Variants in LANCL3 observed in about 807,000 individuals in gnomAD.
LANCL3 encodes lanC-like protein 3.
In LANCL3, 19 loss-of-function variants were observed where a neutral mutation model predicts 26.5. The ratio of observed to expected loss-of-function variants is 0.72; its 90% CI spans 0.50 to 1.05. The LOEUF (loss-of-function observed/expected upper bound fraction) is 1.05, where lower values mean the gene tolerates loss of function less well. LANCL3 is among the 50% of genes least tolerant of loss of function. The pLI, the probability that LANCL3 is intolerant of heterozygous loss-of-function variation, is 0.00. For synonymous variants in LANCL3, 160 were observed against 166.6 expected (o/e 0.96, Z 0.30); for missense variants, 318 against 362.7 (o/e 0.88, Z 1.00).
chrX:37,587,373 G>A (rs5963163), intron 1 of LANCL3, among the ~76,000 whole-genome samples: 17,329 of 112,173 alleles, frequency 0.15, 1,703 homozygotes, highest in African/African-American at 0.37. Context: ...CCTTTTGTTC[G>A]GCTATGCCCT....
intron 3 of LANCL3, among the ~76,000 whole-genome samples, chrX:37,663,693 G>A (rs890705615): frequency 8.1e-5 from 9 of 111,381 alleles, no homozygotes; most frequent in African/African-American, 2.9e-4. Context: ...CCTGGGGACA[G>A]GAGGCTAAAG....
intron 1 of LANCL3, among the ~76,000 whole-genome samples, chrX:37,580,548 G>A (rs1460298199): frequency 9.0e-6 from 1 of 111,265 alleles, no homozygotes; most frequent in Non-Finnish European, 1.9e-5. Flanking sequence ...ATTTCTTTGT[G>A]GTGAGAACAT....
intron 1 of LANCL3, among the ~76,000 whole-genome samples, chrX:37,588,476 A>G (rs1265098070): frequency 2.7e-5 from 3 of 111,789 alleles, no homozygotes; most frequent in Non-Finnish European, 5.6e-5. Context: ...ATGTGTATAT[A>G]AGATACACAT....
At chrX:37,611,111 A>G (rs1285663114) in intron 1 of LANCL3, among the ~76,000 whole-genome samples, 1 of 112,159 alleles carries the variant, frequency 8.9e-6, no homozygotes, top group Non-Finnish European at 1.9e-5. Flanking sequence ...AAAGTAGAGT[A>G]TTTATACACA....
At chrX:37,638,885 T>A (rs1353564162) in intron 1 of LANCL3, among the ~76,000 whole-genome samples, 3 of 111,072 alleles carry the variant, frequency 2.7e-5, no homozygotes, top group Non-Finnish European at 3.8e-5. Context: ...AGAGATGGAA[T>A]CATACAGCAA....
chrX:37,615,190 G>A (rs1171275957), intron 1 of LANCL3, among the ~76,000 whole-genome samples: 6 of 111,537 alleles, frequency 5.4e-5, no homozygotes, highest in South Asian at 3.8e-4. Flanking sequence ...ATTTTAATGC[G>A]CGTAGAAGTC....
chrX:37,579,656 T>C (rs1351809859), intron 1 of LANCL3, among the ~76,000 whole-genome samples: 4 of 112,034 alleles, frequency 3.6e-5, no homozygotes, highest in Non-Finnish European at 5.6e-5. Context: ...AAACCTTGGA[T>C]AAAAGAGGAC....
At chrX:37,662,594 G>T (rs1055527724) in intron 3 of LANCL3, among the ~76,000 whole-genome samples, 11 of 111,730 alleles carry the variant, frequency 9.8e-5, no homozygotes, top group African/African-American at 2.6e-4. Context: ...AGCTATACGT[G>T]CCAAGTGTGG....
At chrX:37,633,655 C>T (rs1925606848) in intron 1 of LANCL3, among the ~76,000 whole-genome samples, 1 of 111,733 alleles carries the variant, frequency 8.9e-6, no homozygotes, top group Non-Finnish European at 1.9e-5. Context: ...ACAGACAGGA[C>T]CCTCAGCTGC....
At chrX:37,613,994 C>A (rs1051179219) in intron 1 of LANCL3, among the ~76,000 whole-genome samples, 1 of 112,142 alleles carries the variant, frequency 8.9e-6, no homozygotes, top group Non-Finnish European at 1.9e-5. Context: ...CTCTCTGGAA[C>A]TAAGTCAAAT....
In LANCL3 at chrX:37,683,195, A is replaced by G. The variant is rs1434114664; in HGVS notation, c.*7382A>G. The G allele has an allele frequency of 9.0e-6, 1 of 111,442 alleles. No homozygotes were observed. The highest frequency in any genetic ancestry group is 3.3e-5 in the African/African-American group (1 of 30,664). 9.2% of individuals were successfully genotyped at this position (111,442 alleles called of 1,213,427 possible). A position where few individuals can be genotyped will look rare whatever the true frequency, so the allele number is the denominator to read the frequency against. Reference sequence around the variant, plus strand: ...TGTATCATTGAAAAAAACAAAGCTCACCTTCCTAATGATACATTTCACAAA... The same window carrying G: ...TGTATCATTGAAAAAAACAAAGCTCGCCTTCCTAATGATACATTTCACAAA... On this transcript the variant is annotated 3_prime_UTR_variant, in exon 5 of 5. Coordinates refer to ENST00000378619, the MANE Select transcript of LANCL3 (RefSeq NM_001170331.2).
rs782234520 is a variant in LANCL3 at position 37,678,309 on chromosome X, T to G, written c.*2496T>G. On this transcript the variant is annotated 3_prime_UTR_variant, in exon 5 of 5. Coordinates refer to ENST00000378619, the MANE Select transcript of LANCL3 (RefSeq NM_001170331.2). Reference sequence around the variant, plus strand: ...TTTGCTGTAGGAAAGTGTGGCATGTTACTTCTTATTTAATTATCCAACTTG... The same window carrying G: ...TTTGCTGTAGGAAAGTGTGGCATGTGACTTCTTATTTAATTATCCAACTTG... 7.2e-5 allele frequency: 8 copies of G among 110,849 alleles called. No homozygotes were observed. The highest frequency in any genetic ancestry group is 1.5e-4 in the Non-Finnish European group (8 of 52,734). The allele number at this position is 110,849 out of a possible 1,213,427, so 9.1% of individuals were successfully genotyped here.
At chrX:37,630,485 A>G (rs1392174164) in intron 1 of LANCL3, among the ~76,000 whole-genome samples, 3 of 105,722 alleles carry the variant, frequency 2.8e-5, no homozygotes, top group Non-Finnish European at 5.9e-5. Context: ...TTCCAACACT[A>G]TGTTGAATAG....
At chrX:37,591,324 C>G (rs1458361911) in intron 1 of LANCL3, among the ~76,000 whole-genome samples, 2 of 111,764 alleles carry the variant, frequency 1.8e-5, no homozygotes, top group African/African-American at 3.3e-5. Context: ...GAACTCAACT[C>G]AACACTAGAA....
chrX:37,594,023 G>A (rs1222838583), intron 1 of LANCL3, among the ~76,000 whole-genome samples: 1 of 111,876 alleles, frequency 8.9e-6, no homozygotes, highest in Non-Finnish European at 1.9e-5. Context: ...GCCTTCCGTA[G>A]TAAAGTATTG....
At chrX:37,587,618 G>C (rs1260044703) in intron 1 of LANCL3, among the ~76,000 whole-genome samples, 11 of 113,052 alleles carry the variant, frequency 9.7e-5, no homozygotes, top group African/African-American at 3.2e-4. Flanking sequence ...TAATCTCCTG[G>C]TGTGCCGTTT....
At chrX:37,609,149 A>G (rs368173053) in intron 1 of LANCL3, among the ~76,000 whole-genome samples, 150 of 112,296 alleles carry the variant, frequency 1.3e-3, no homozygotes, top group African/African-American at 4.6e-3. Flanking sequence ...ATTTTTAGGT[A>G]AATTGGTGAT....
At chrX:37,650,130 C>T (rs1221079364) in intron 1 of LANCL3, among the ~76,000 whole-genome samples, 1 of 108,287 alleles carries the variant, frequency 9.2e-6, no homozygotes, top group Non-Finnish European at 1.9e-5. Flanking sequence ...GGTGAAACCC[C>T]GTCTCTGCTA....
chrX:37,673,500 A>T (rs1303474501), intron 4 of LANCL3, among the ~76,000 whole-genome samples: 2 of 110,985 alleles, frequency 1.8e-5, no homozygotes, highest in African/African-American at 6.5e-5. Context: ...TGTGTCTTCT[A>T]TTCTTTTTAG....
Sources: allele counts gnomAD v4.1 joint callset (sites outside exome capture counted in the v4.1 genomes callset), GRCh38; gene constraint gnomAD v4.1.1; transcripts MANE v1.5; gene names NCBI Gene and HGNC (gene_info 2026-07-23, HGNC 2026-07-21).